The following MKLN1 variants were observed in gnomAD, a reference collection of about 807,000 sequenced individuals.
The protein encoded by MKLN1 is muskelin.
MKLN1 carries 18 observed loss-of-function variants against 99.0 expected under a neutral mutation model. The observed-to-expected ratio is 0.18, with a 90% CI of 0.13 to 0.27. The LOEUF (loss-of-function observed/expected upper bound fraction) is 0.27. MKLN1 is among the 10% of genes least tolerant of loss of function. The probability of loss-of-function intolerance (pLI) is 1.00; values close to 1 mark genes in which losing one functional copy is unlikely to be tolerated. For missense variants in MKLN1, 621 were observed against 875.9 expected (o/e 0.71, Z 3.67); for synonymous variants, 288 against 293.2 (o/e 0.98, Z 0.18).
intron 3 of MKLN1, among the ~76,000 whole-genome samples, chr7:131,275,441 T>C (rs71579377): frequency 0.1 from 13,464 of 129,698 alleles, 1,328 homozygotes; most frequent in African/African-American, 0.27. Flanking sequence ...TGATCTCGGC[T>C]CACTGCAACC....
chr7:131,415,380 T>TA (rs1423488269), intron 8 of MKLN1, among the ~76,000 whole-genome samples: 3 of 152,152 alleles, frequency 2.0e-5, no homozygotes, highest in African/African-American at 7.2e-5. Context: ...TACTGTGTGT[T>TA]ATGCCAACTC....
At chr7:131,303,544 C>G (rs940972020) in intron 3 of MKLN1, among the ~76,000 whole-genome samples, 3 of 152,178 alleles carry the variant, frequency 2.0e-5, no homozygotes, top group Non-Finnish European at 4.4e-5. Flanking sequence ...TGAGTTAATA[C>G]CGGAACCATG....
At position 131,122,975 on chromosome 7, in the gene MKLN1, A is replaced by G. The variant is rs577285089; in HGVS notation, c.-419+12768A>G. ...GAGGCGGAGCTTGCAGTGAGCCGAG[A>G]TAGCGCCACTGCAGTCCGGCCTGGG... On this transcript the variant is annotated intron_variant, in intron 1 of 7. Coordinates refer to the MKLN1 transcript ENST00000416992. Among the ~76,000 whole-genome samples the G allele has an allele frequency of 1.1e-3, 155 of 139,496 alleles. 1 individual carries two copies. The highest frequency in any genetic ancestry group is 4.0e-3 in the African/African-American group (151 of 37,628). The allele number at this position is 139,496 out of a possible 152,430, so 91.5% of individuals were successfully genotyped here.
At chr7:131,289,888 G>A (rs1184355276) in intron 3 of MKLN1, among the ~76,000 whole-genome samples, 2 of 152,214 alleles carry the variant, frequency 1.3e-5, no homozygotes, top group African/African-American at 2.4e-5. Context: ...AGCAGGCCAA[G>A]CACACTTCTG....
chr7:131,236,146 G>A (rs960947322), intron 3 of MKLN1, among the ~76,000 whole-genome samples: 9 of 152,186 alleles, frequency 5.9e-5, no homozygotes, highest in African/African-American at 1.9e-4. Context: ...AATGTAAGCA[G>A]TAAGATGTCT....
At position 131,192,040 on chromosome 7, in the gene MKLN1, GTGTATATGTATACATGTATATATATAT is replaced by G. The variant is rs1462163029; in HGVS notation, c.-296-10815_-296-10789del. ...CAGCCTGCTGTGTGTGTATGTGTGT[GTGTATATGTATACATGTATATATATAT>G]TATATATATACATATATATTATATA... On this transcript the variant is annotated intron_variant, in intron 2 of 7. Transcript: ENST00000416992. Among the ~76,000 whole-genome samples, 86 of 127,624 alleles carry G rather than the reference GTGTATATGTATACATGTATATATATAT, an allele frequency of 6.7e-4. 5 individuals carry two copies. Among genetic ancestry groups the G allele is most frequent in the African/African-American group, 1.2e-3 (36 of 31,178 alleles). The allele number at this position is 127,624 out of a possible 152,430, so 83.7% of individuals were successfully genotyped here.
chr7:131,271,618 T>TAA (rs757729397), intron 3 of MKLN1, among the ~76,000 whole-genome samples: 2 of 102,302 alleles, frequency 2.0e-5, no homozygotes. Flanking sequence ...CTCCGTCTCC[T>TAA]AAAAAAAAAA....
chr7:131,448,290 C>T (rs1463603963), intron 12 of MKLN1, among the ~76,000 whole-genome samples: 3 of 152,098 alleles, frequency 2.0e-5, no homozygotes, highest in East Asian at 1.9e-4. Context: ...AAAAATTCAC[C>T]ATGACAAGTA....
intron 2 of MKLN1, among the ~76,000 whole-genome samples, chr7:131,198,217 T>G (rs535173246): frequency 3.3e-5 from 5 of 152,342 alleles, no homozygotes; most frequent in Non-Finnish European, 7.3e-5. Flanking sequence ...TCATCCTGCT[T>G]TGTTGCTCTG....
At chr7:131,353,897 C>A (rs1205270271) in intron 1 of MKLN1, among the ~76,000 whole-genome samples, 3 of 102,718 alleles carry the variant, frequency 2.9e-5, no homozygotes, top group Non-Finnish European at 5.8e-5. Flanking sequence ...TGCTTTTGTA[C>A]CTTTGTAAAA....
chr7:131,478,805 G>A (rs1797038496), intron 17 of MKLN1, 128 bp downstream of exon 17: 2 of 1,154,360 alleles, frequency 1.7e-6, no homozygotes, highest in African/African-American at 1.5e-5. Context: ...AAGTTTCAAG[G>A]TATCATGCAA....
In MKLN1 at chr7:131,491,857, T is replaced by G. The variant is rs985827567; in HGVS notation, c.*4129T>G. 6.6e-6 allele frequency: 1 copy of G among 152,558 alleles called. No homozygotes were observed. The allele number at this position is 152,558 out of a possible 1,614,324, so 9.5% of individuals were successfully genotyped here. ...AGCTAATGTAACTTTATTCTTCACT[T>G]TTTTTTAGCCCTAGACTTCCTAGAT... On this transcript the variant is annotated 3_prime_UTR_variant, in exon 18 of 18. Transcript: ENST00000352689.
intron 1 of MKLN1, among the ~76,000 whole-genome samples, chr7:131,121,273 C>T (rs1006269361): frequency 6.6e-6 from 1 of 152,250 alleles, no homozygotes; most frequent in East Asian, 1.9e-4. Flanking sequence ...AGGTCCCTCC[C>T]CCAACATTGG....
chr7:131,138,353 G>A (rs888975968), intron 1 of MKLN1, among the ~76,000 whole-genome samples: 8 of 151,892 alleles, frequency 5.3e-5, no homozygotes, highest in African/African-American at 7.3e-5. Context: ...CATTATTCAC[G>A]GTTTTTAAAT....
chr7:131,464,608 T>C (rs1796608146), intron 14 of MKLN1, among the ~76,000 whole-genome samples, 200 bp downstream of exon 14: 1 of 152,232 alleles, frequency 6.6e-6, no homozygotes, highest in African/African-American at 2.4e-5. Flanking sequence ...AGTCTGTAAT[T>C]CTTGGTACTT....
intron 11 of MKLN1, 125 bp from the exon 12 acceptor site, chr7:131,445,649 A>G: frequency 1.5e-6 from 1 of 675,160 alleles, no homozygotes; most frequent in South Asian, 2.4e-5. Flanking sequence ...TTATTCCAGC[A>G]TAGTACTCCA....
chr7:131,326,910 G>A (rs1798903103), upstream of MKLN1: 1 of 152,174 alleles, frequency 6.6e-6, no homozygotes, highest in Non-Finnish European at 1.5e-5. Flanking sequence ...GACAATAAGC[G>A]ACATACTCTT....
intron 1 of MKLN1, among the ~76,000 whole-genome samples, chr7:131,333,308 C>T: frequency 6.6e-6 from 1 of 152,088 alleles, no homozygotes; most frequent in East Asian, 1.9e-4. Flanking sequence ...CTCCTGGGCT[C>T]AAGTGATCCT....
At chr7:131,165,657 T>G (rs1796112741) in intron 2 of MKLN1, among the ~76,000 whole-genome samples, 1 of 152,252 alleles carries the variant, frequency 6.6e-6, no homozygotes. Flanking sequence ...CAAATTGTGG[T>G]AGGGCTTGAA....
Sources: allele counts gnomAD v4.1 joint callset (sites outside exome capture counted in the v4.1 genomes callset), GRCh38; gene constraint gnomAD v4.1.1; transcripts MANE v1.5; gene names NCBI Gene and HGNC (gene_info 2026-07-23, HGNC 2026-07-21).